TIAM2: variants seen among roughly 807,000 people sequenced by gnomAD.
TIAM2 encodes TIAM Rac1 associated GEF 2.
A neutral mutation model predicts 152.9 loss-of-function variants in TIAM2; 80 were observed. The observed-to-expected ratio is 0.52, with a 90% CI of 0.44 to 0.63. The LOEUF is 0.63. Ranked by LOEUF, TIAM2 falls within the 30% of genes least tolerant of loss-of-function variation. The pLI is 0.00. For synonymous variants in TIAM2, 804 were observed against 838.0 expected (o/e 0.96, Z 0.70); for missense variants, 1,965 against 2,120.1 (o/e 0.93, Z 1.44).
rs767291323 is a variant in TIAM2, at chr6:155,248,090, C to T, written c.3743C>T (p.Pro1248Leu). Reference protein sequence around the residue: ...SSTLESYLIKPVQRVLKYPLL... With the variant: ...SSTLESYLIKLVQRVLKYPLL... ...ACGCTGGAGTCCTACCTCATCAAGC[C>T]GGTTCAGAGAGTGCTCAAGTACCCG... Residue 1248 changes from proline to leucine, a missense_variant, in exon 20 of 27, where the codon CCG (proline) becomes CTG (leucine). Pro to Leu is a moderately conservative substitution (Grantham distance 98, BLOSUM62 -3). Around this residue, in one of 3 missense-constraint regions of TIAM2, gnomAD observed 935 missense variants for 980.0 expected, o/e 0.95. Coordinates refer to ENST00000682666, the MANE Select transcript of TIAM2 (RefSeq NM_012454.4). 1.6e-5 allele frequency: 26 copies of T among 1,614,230 alleles called. No homozygotes were observed. The highest frequency in any genetic ancestry group is 2.1e-5 in the Non-Finnish European group (25 of 1,180,040).
At chr6:155,017,506 C>CTTTTTTTTTT (rs35552958) in intron 1 of TIAM2, among the ~76,000 whole-genome samples, 1 of 129,052 alleles carries the variant, frequency 7.7e-6, no homozygotes, top group African/African-American at 3.0e-5. Flanking sequence ...TCCATTTTGT[C>CTTTTTTTTTT]TTTTTTTTTT....
chr6:155,149,672 C>T (rs910339630), intron 7 of TIAM2, among the ~76,000 whole-genome samples: 8 of 152,014 alleles, frequency 5.3e-5, no homozygotes, highest in South Asian at 2.1e-4. Context: ...CCTATAATCC[C>T]GGCGCTTTGG....
At chr6:155,098,318 C>A (rs1778466011) in intron 2 of TIAM2, among the ~76,000 whole-genome samples, 2 of 152,016 alleles carry the variant, frequency 1.3e-5, no homozygotes, top group Admixed American at 1.3e-4. Flanking sequence ...CATGGAATAT[C>A]TTTCCATTTT....
In TIAM2 at chr6:155,129,364, T is replaced by A; in HGVS notation, c.141T>A (p.Gly47=). 1 of 1,614,010 alleles carries A rather than the reference T, an allele frequency of 6.2e-7. No homozygotes were observed. Among genetic ancestry groups the A allele is most frequent in the Non-Finnish European group, 8.5e-7 (1 of 1,180,016 alleles). ...AKEEKSLHGW[G]HGSNGAGYKS... is the part of the protein sequence containing the mutation. The stretch of plus-strand genomic sequence containing the variant: ...AGGAAAAGTCATTGCATGGATGGGG[T>A]CACGGAAGCAACGGAGCAGGTTACA... The change falls in exon 4 of 27, where the codon GGT becomes GGA. Residue 47 remains glycine, a synonymous_variant. Transcript: ENST00000682666. The surrounding 1 kb of genome is among the most constrained non-coding windows in gnomAD (Gnocchi z 4.8).
intron 1 of TIAM2, among the ~76,000 whole-genome samples, chr6:155,047,695 GAGAGAGA>G (rs1562300134): frequency 1.3e-5 from 1 of 76,202 alleles, no homozygotes. Flanking sequence ...AGAGGAGAGA[GAGAGAGA>G]GAGCGAGAGA....
At position 155,182,718 on chromosome 6, in the gene TIAM2, AAG is replaced by A. The variant is rs532993588; in HGVS notation, c.2800+405_2800+406del. Among the ~76,000 whole-genome samples the A allele has an allele frequency of 5.1e-3, 771 of 152,196 alleles. 8 individuals are homozygous for A. The highest frequency in any genetic ancestry group is 0.018 in the African/African-American group (732 of 41,528). ...ATATATATAGACAGAGGGAAGGAGG[AAG>A]AGAGTGTGAGACAGACAGGCGGACA... On this transcript the variant is annotated intron_variant, in intron 13 of 26. Coordinates refer to ENST00000682666, the MANE Select transcript of TIAM2 (RefSeq NM_012454.4).
chr6:155,017,506 C>CTTTT (rs35552958), intron 1 of TIAM2, among the ~76,000 whole-genome samples: 9 of 129,022 alleles, frequency 7.0e-5, no homozygotes, highest in South Asian at 4.9e-4. Context: ...TCCATTTTGT[C>CTTTT]TTTTTTTTTT....
intron 15 of TIAM2, among the ~76,000 whole-genome samples, chr6:155,227,362 T>G (rs947311822): frequency 2.6e-5 from 4 of 152,222 alleles, no homozygotes; most frequent in Admixed American, 2.6e-4. Context: ...TCACTTCATT[T>G]AAACCCGTTT....
At chr6:155,103,544 T>G (rs1017563519) in intron 2 of TIAM2, among the ~76,000 whole-genome samples, 3 of 151,836 alleles carry the variant, frequency 2.0e-5, no homozygotes, top group African/African-American at 7.3e-5. Context: ...GCCAACATGG[T>G]GAAACCCTGT....
rs35552958 is a variant in TIAM2 at position 155,017,506 on chromosome 6, C to CTTTTTTTT, written c.-209+22023_-209+22030dup. Among the ~76,000 whole-genome samples, 3 of 129,054 alleles carry CTTTTTTTT rather than the reference C, an allele frequency of 2.3e-5. 1 individual carries two copies. Among genetic ancestry groups the CTTTTTTTT allele is most frequent in the Non-Finnish European group, 4.7e-5 (3 of 63,548 alleles). 84.7% of individuals were successfully genotyped at this position (129,054 alleles called of 152,430 possible). On this transcript the variant is annotated intron_variant, in intron 1 of 26. Coordinates refer to ENST00000682666, the MANE Select transcript of TIAM2 (RefSeq NM_012454.4). ...TACAAGATCACCTACTCCATTTTGT[C>CTTTTTTTT]TTTTTTTTTTTTTTTTGAGATGGAG...
intron 15 of TIAM2, among the ~76,000 whole-genome samples, chr6:155,236,573 G>A (rs1421119903): frequency 2.0e-5 from 3 of 152,178 alleles, no homozygotes; most frequent in African/African-American, 7.2e-5. Context: ...TGAGGCAGGA[G>A]AATTGCTTGC....
intron 14 of TIAM2, among the ~76,000 whole-genome samples, chr6:155,191,382 T>C (rs1368345797): frequency 1.3e-5 from 2 of 152,206 alleles, no homozygotes; most frequent in African/African-American, 2.4e-5. Context: ...CATGTAAGTG[T>C]GTGTTGAATA....
At chr6:155,051,940 G>C (rs1001001404) in intron 1 of TIAM2, among the ~76,000 whole-genome samples, 3 of 152,008 alleles carry the variant, frequency 2.0e-5, no homozygotes, top group African/African-American at 7.2e-5. Context: ...GCGCCTGGCC[G>C]GCTGTGGCTT....
chr6:155,190,436 C>G (rs1781169469), intron 14 of TIAM2, among the ~76,000 whole-genome samples: 1 of 152,180 alleles, frequency 6.6e-6, no homozygotes, highest in South Asian at 2.1e-4. Context: ...TCACCGGTCC[C>G]CTTTAGGGGT....
In TIAM2 at chr6:155,187,551, C is replaced by A. The variant is rs1451490222; in HGVS notation, c.3064+4051C>A. The stretch of plus-strand genomic sequence containing the variant: ...TGCAAGAGGCTTGGGGCAGTGCAAC[C>A]CCCCCTCCCCCACCCCGCCCCCTTT... On this transcript the variant is annotated intron_variant, in intron 14 of 26. Transcript: ENST00000682666. 2.8e-5 allele frequency among the ~76,000 whole-genome samples: 4 copies of A among 141,962 alleles called. No individual in the cohort carries two copies. In the East Asian group the frequency reaches 6.1e-4, roughly 22 times the overall value. 93.1% of individuals were successfully genotyped at this position (141,962 alleles called of 152,430 possible). A position where few individuals can be genotyped will look rare whatever the true frequency, so the allele number is the denominator to read the frequency against.
intron 1 of TIAM2, among the ~76,000 whole-genome samples, chr6:155,060,140 ACGCCT>A (rs990317494): frequency 6.6e-6 from 1 of 152,184 alleles, no homozygotes; most frequent in Non-Finnish European, 1.5e-5. Flanking sequence ...TGCGGTGCTT[ACGCCT>A]GTAATCCCAG....
intron 14 of TIAM2, among the ~76,000 whole-genome samples, chr6:155,209,828 A>C (rs368258703): frequency 1.3e-5 from 2 of 152,140 alleles, no homozygotes; most frequent in Non-Finnish European, 2.9e-5. Flanking sequence ...GTGGTTGGTA[A>C]TATCAGCATG....
chr6:155,052,482 C>T (rs746382779), intron 1 of TIAM2, among the ~76,000 whole-genome samples: 9 of 151,892 alleles, frequency 5.9e-5, no homozygotes, highest in Admixed American at 2.6e-4. Context: ...AATTGATAGC[C>T]TGGGCTGTCA....
intron 2 of TIAM2, among the ~76,000 whole-genome samples, chr6:155,126,592 G>A (rs749073150): frequency 3.3e-5 from 5 of 152,094 alleles, no homozygotes; most frequent in South Asian, 2.1e-4. Context: ...TTAGCTGGGC[G>A]TGGTGGTGCG....
Sources: gnomAD v4.1 joint callset for allele counts (sites outside exome capture counted in the v4.1 genomes callset) on GRCh38, gnomAD v4.1.1 for gene constraint, gnomAD v4.1.1 regional missense constraint, Gnocchi (gnomAD v3.1) non-coding constraint, MANE v1.5 for transcripts, NCBI Gene and HGNC (gene_info 2026-07-23, HGNC 2026-07-21) for gene names.